CFAP61: variants seen among roughly 807,000 people sequenced by gnomAD.
The protein encoded by CFAP61 is cilia and flagella associated protein 61, also known as cilia- and flagella-associated protein 61.
Under a neutral mutation model 135.6 loss-of-function variants are expected in CFAP61, and 107 were observed. The ratio of observed to expected loss-of-function variants is 0.79; its 90% confidence interval spans 0.67 to 0.93. The LOEUF (loss-of-function observed/expected upper bound fraction) is 0.93. Among genes scored for constraint, CFAP61 ranks in the 40% least tolerant of loss-of-function variants. CFAP61 has a pLI of 0.00. For missense variants in CFAP61, 1,507 were observed against 1,556.2 expected, an observed-to-expected ratio of 0.97 and a Z score of 0.53; for synonymous variants, 575 against 578.5, an observed-to-expected ratio of 0.99 and a Z score of 0.09.
At chr20:20,105,872 C>G (rs1018681580) in intron 8 of CFAP61, among the ~76,000 whole-genome samples, 2 of 150,216 alleles carry the variant, frequency 1.3e-5, no homozygotes, top group Admixed American at 1.3e-4. Flanking sequence ...ATCTCCTGAC[C>G]TTGTGATCCG....
At chr20:20,295,626 T>C (rs1446742970) in intron 24 of CFAP61, among the ~76,000 whole-genome samples, 1 of 152,218 alleles carries the variant, frequency 6.6e-6, no homozygotes, top group Non-Finnish European at 1.5e-5. Context: ...GAAATACACA[T>C]GGCGGTCACA....
At chr20:20,229,638 C>T (rs1482326113) in intron 18 of CFAP61, among the ~76,000 whole-genome samples, 3 of 152,136 alleles carry the variant, frequency 2.0e-5, no homozygotes, top group East Asian at 3.9e-4. Flanking sequence ...AACGTGGAGA[C>T]GAGCTAATCC....
chr20:20,166,515 T>C (rs2053845995), intron 12 of CFAP61, 79 bp downstream of exon 12: 1 of 1,133,814 alleles, frequency 8.8e-7, no homozygotes, highest in East Asian at 2.4e-5. Flanking sequence ...ATAAATTTAT[T>C]ATGCTGTGAA....
intron 2 of CFAP61, among the ~76,000 whole-genome samples, chr20:20,063,882 A>T (rs1464161995): frequency 6.6e-6 from 1 of 152,242 alleles, no homozygotes; most frequent in Non-Finnish European, 1.5e-5. Context: ...GCATTTTTAT[A>T]TACTAACAAT....
At chr20:20,179,878 A>G (rs1311280541) in intron 13 of CFAP61, among the ~76,000 whole-genome samples, 1 of 152,216 alleles carries the variant, frequency 6.6e-6, no homozygotes, top group Non-Finnish European at 1.5e-5. Context: ...AAATTAACTC[A>G]AGGATTAAAG....
At chr20:20,159,202 A>T (rs1314962914) in intron 9 of CFAP61, among the ~76,000 whole-genome samples, 168 bp from the exon 10 acceptor site, 1 of 152,170 alleles carries the variant, frequency 6.6e-6, no homozygotes, top group Non-Finnish European at 1.5e-5. Flanking sequence ...TGCTCTTCTC[A>T]TCCCCTTTTC....
At chr20:20,069,621 G>T in intron 2 of CFAP61, 1 of 401,312 alleles carries the variant, frequency 2.5e-6, no homozygotes, top group South Asian at 1.9e-5. Context: ...TCAACGTATA[G>T]TTACCTCACG....
At chr20:20,152,284 G>T (rs182964846) in intron 9 of CFAP61, among the ~76,000 whole-genome samples, 3 of 151,364 alleles carry the variant, frequency 2.0e-5, no homozygotes, top group Admixed American at 2.0e-4. Flanking sequence ...ATCTCACAGG[G>T]CCTATAAAAC....
At position 20,188,738 on chromosome 20, in the gene CFAP61, GA is replaced by G. The variant is rs200940681; in HGVS notation, c.1512+690del. Among the ~76,000 whole-genome samples the G allele has an allele frequency of 6.5e-3, 984 of 151,878 alleles. 10 individuals carry two copies. The highest frequency in any genetic ancestry group is 0.023 in the African/African-American group (951 of 41,424). The stretch of plus-strand genomic sequence containing the variant: ...TCACTTTTTTGATACATTTTATTTT[GA>G]AAAAAAATTTATTGAGGTATAACCA... On this transcript the variant is annotated intron_variant, in intron 14 of 26. Transcript: ENST00000245957.
In CFAP61 at chr20:20,298,133, C is replaced by A. The variant is rs1252183230; in HGVS notation, c.3217-48C>A. ...ATTGCTATGATAAAGTTCCCAAAAT[C>A]CAGGAATGTTTCTAATGTTGTTTTT... On this transcript the variant is annotated intron_variant, in intron 24 of 26. Coordinates refer to ENST00000245957, the MANE Select transcript of CFAP61 (RefSeq NM_015585.4). The A allele has an allele frequency of 2.2e-6, 3 of 1,345,846 alleles. No individual in the cohort carries two copies. The East Asian group carries it at 6.9e-5, about 31-fold the overall frequency. The allele number at this position is 1,345,846 out of a possible 1,614,324, so 83.4% of individuals were successfully genotyped here. A position where few individuals can be genotyped will look rare whatever the true frequency, so the allele number is the denominator to read the frequency against.
intron 6 of CFAP61, among the ~76,000 whole-genome samples, chr20:20,086,866 G>A (rs1280096077): frequency 6.6e-6 from 1 of 152,160 alleles, no homozygotes; most frequent in East Asian, 1.9e-4. Context: ...TTGGGTTCCT[G>A]GGAAGGGAAG....
intron 17 of CFAP61, chr20:20,200,599 C>A: frequency 1.8e-6 from 1 of 561,384 alleles, no homozygotes; most frequent in Non-Finnish European, 2.3e-6. Flanking sequence ...CTGATATGGG[C>A]TTGTAGTGTT....
intron 17 of CFAP61, chr20:20,221,597 G>A (rs1441778227): frequency 6.6e-6 from 1 of 152,158 alleles, no homozygotes; most frequent in East Asian, 1.9e-4. Flanking sequence ...CATCTATTCA[G>A]AGAGGGGAGG....
intron 17 of CFAP61, chr20:20,220,359 C>T (rs944642496): frequency 6.6e-6 from 1 of 152,272 alleles, no homozygotes. Context: ...TGAGCCCCAC[C>T]CTTTTATAAT....
intron 6 of CFAP61, among the ~76,000 whole-genome samples, chr20:20,087,720 C>T (rs918392869): frequency 1.3e-5 from 2 of 152,146 alleles, no homozygotes; most frequent in African/African-American, 2.4e-5. Context: ...GCACATAACC[C>T]TTTTTTAACG....
Position 20,360,553 on chromosome 20 carries a change from C to CT in CFAP61, c.*145dup. The CT allele has an allele frequency of 3.0e-6, 2 of 669,122 alleles. No individual in the cohort carries two copies. The highest frequency in any genetic ancestry group is 5.1e-6 in the Non-Finnish European group (2 of 393,682). The allele number at this position is 669,122 out of a possible 1,614,324, so 41.4% of individuals were successfully genotyped here. A position where few individuals can be genotyped will look rare whatever the true frequency, so the allele number is the denominator to read the frequency against. ...TTTGTTCATTCCTTTCCTTCCCTGA[C>CT]TTATGCCTGTAGTTTTCTATCATCC... On this transcript the variant is annotated 3_prime_UTR_variant, in exon 27 of 27. Coordinates refer to ENST00000245957, the MANE Select transcript of CFAP61 (RefSeq NM_015585.4).
At chr20:20,322,976 T>A in intron 25 of CFAP61, 1 of 985,432 alleles carries the variant, frequency 1.0e-6, no homozygotes, top group Non-Finnish European at 1.2e-6. Context: ...AAAGTTATCA[T>A]AATAATGACT....
intron 13 of CFAP61, among the ~76,000 whole-genome samples, chr20:20,181,242 GTATA>G (rs566116866): frequency 7.0e-6 from 1 of 143,208 alleles, no homozygotes; most frequent in Non-Finnish European, 1.5e-5. Context: ...ACTTTTATGT[GTATA>G]TATATAACTT....
In CFAP61 at chr20:20,179,386, C is replaced by G. The variant is rs1359446361; in HGVS notation, c.1386-8544C>G. Among the ~76,000 whole-genome samples the G allele has an allele frequency of 2.6e-5, 4 of 152,104 alleles. No homozygotes were observed. In the East Asian group the frequency reaches 5.8e-4, roughly 22 times the overall value. ...CACTGCTCAAAGAAATCAGAGATGACCCAGACAAATGAAAAACATTCCATG... is the reference window on the plus strand; with the variant it reads ...CACTGCTCAAAGAAATCAGAGATGAGCCAGACAAATGAAAAACATTCCATG... On this transcript the variant is annotated intron_variant, in intron 13 of 26. Transcript: ENST00000245957.
Sources: allele counts gnomAD v4.1 joint callset (sites outside exome capture counted in the v4.1 genomes callset), GRCh38; gene constraint gnomAD v4.1.1; transcripts MANE v1.5; gene names NCBI Gene and HGNC (gene_info 2026-07-23, HGNC 2026-07-21).